Variants in GRM7 observed in about 807,000 individuals in gnomAD.
GRM7 encodes the protein metabotropic glutamate receptor 7.
GRM7 carries 35 observed loss-of-function variants against 84.5 expected under a neutral mutation model. The observed-to-expected ratio is 0.41, with a 90% CI of 0.32 to 0.55. The LOEUF (loss-of-function observed/expected upper bound fraction) is 0.55. Among genes scored for constraint, GRM7 ranks in the 20% least tolerant of loss-of-function variants. The pLI is 0.19. For synonymous variants in GRM7, 487 were observed against 455.1 expected, an observed-to-expected ratio of 1.07 and a Z score of -0.89; for missense variants, 1,003 against 1,194.6, an observed-to-expected ratio of 0.84 and a Z score of 2.36.
intron 1 of GRM7, among the ~76,000 whole-genome samples, chr3:7,070,160 G>A (rs1035718945): frequency 2.4e-4 from 37 of 151,968 alleles, no homozygotes; most frequent in African/African-American, 8.7e-4. Context: ...CAGAATAACA[G>A]TTTCCAAAGT....
intron 2 of GRM7, among the ~76,000 whole-genome samples, chr3:7,275,178 C>G (rs952510410): frequency 3.3e-5 from 5 of 152,138 alleles, no homozygotes; most frequent in African/African-American, 1.2e-4. Flanking sequence ...TATTACCCAT[C>G]TGTTATATAT....
intron 1 of GRM7, among the ~76,000 whole-genome samples, chr3:7,028,467 T>C (rs1212347374): frequency 1.3e-5 from 2 of 152,168 alleles, no homozygotes; most frequent in Non-Finnish European, 2.9e-5. Context: ...CAGATAATAA[T>C]AACCTTGGCT....
intron 4 of GRM7, among the ~76,000 whole-genome samples, chr3:7,385,010 C>T (rs1694728894): frequency 6.6e-6 from 1 of 152,128 alleles, no homozygotes; most frequent in Admixed American, 6.5e-5. Flanking sequence ...TTAAATGAAA[C>T]ATATTTCATG....
chr3:6,883,361 A>G (rs1045926439), intron 1 of GRM7, among the ~76,000 whole-genome samples: 13 of 152,040 alleles, frequency 8.6e-5, no homozygotes, highest in Non-Finnish European at 1.8e-4. Flanking sequence ...AAATTCTTTA[A>G]TATTGTCTAG....
At chr3:7,601,708 A>G (rs1696320022) in intron 8 of GRM7, among the ~76,000 whole-genome samples, 1 of 152,074 alleles carries the variant, frequency 6.6e-6, no homozygotes. Flanking sequence ...TGTCTCCAGG[A>G]GTCATCAAGA....
At chr3:7,710,500 A>G (rs1274779083) in intron 9 of GRM7, among the ~76,000 whole-genome samples, 2 of 20,768 alleles carry the variant, frequency 9.6e-5, no homozygotes, top group African/African-American at 1.7e-4. Flanking sequence ...CAGATGGTGT[A>G]AAAGGAGCAT....
chr3:7,513,766 A>G (rs536728588), intron 7 of GRM7, among the ~76,000 whole-genome samples: 20 of 152,214 alleles, frequency 1.3e-4, no homozygotes, highest in Non-Finnish European at 1.6e-4. Context: ...ATTTTAAAAA[A>G]TTAGAGAAGA....
intron 7 of GRM7, among the ~76,000 whole-genome samples, chr3:7,518,254 C>G (rs12495937): frequency 0.093 from 14,175 of 152,112 alleles, 1,087 homozygotes; most frequent in African/African-American, 0.21. Flanking sequence ...ATTTCCAAGG[C>G]GTCAGGGAAT....
intron 2 of GRM7, among the ~76,000 whole-genome samples, chr3:7,156,821 AT>A (rs1485311306): frequency 6.6e-6 from 1 of 151,976 alleles, no homozygotes; most frequent in Non-Finnish European, 1.5e-5. Flanking sequence ...ATCAACGTGA[AT>A]TTTTTTCATT....
At chr3:7,408,579 C>T (rs1365280311) in intron 4 of GRM7, among the ~76,000 whole-genome samples, 1 of 152,128 alleles carries the variant, frequency 6.6e-6, no homozygotes, top group Non-Finnish European at 1.5e-5. Flanking sequence ...CTTCAATTTA[C>T]ATCAGTTAAT....
chr3:7,701,528 C>T (rs1300160631), intron 9 of GRM7, among the ~76,000 whole-genome samples: 1 of 152,064 alleles, frequency 6.6e-6, no homozygotes, highest in East Asian at 1.9e-4. Flanking sequence ...TGGTCTCGAT[C>T]TCCTGACCTC....
chr3:7,368,828 C>T (rs568401700), intron 4 of GRM7, among the ~76,000 whole-genome samples: 1 of 152,220 alleles, frequency 6.6e-6, no homozygotes, highest in Admixed American at 6.6e-5. Flanking sequence ...CATCGTATCT[C>T]TAACATCAAA....
At chr3:7,243,607 G>A in intron 2 of GRM7, among the ~76,000 whole-genome samples, 1 of 152,158 alleles carries the variant, frequency 6.6e-6, no homozygotes, top group East Asian at 1.9e-4. Context: ...TCAGGAGAAT[G>A]TAGTTCATTC....
intron 7 of GRM7, among the ~76,000 whole-genome samples, chr3:7,513,884 C>T (rs996960627): frequency 1.3e-5 from 2 of 152,204 alleles, no homozygotes; most frequent in Admixed American, 6.5e-5. Context: ...TTTTATTGCA[C>T]TTCATCTGTC....
rs1032540545 is a variant in GRM7, at chr3:6,936,999, T to C, written c.519+75092T>C. Among the ~76,000 whole-genome samples the C allele has an allele frequency of 2.6e-4, 39 of 152,182 alleles. 1 individual carries two copies. The highest frequency in any genetic ancestry group is 2.3e-3 in the Admixed American group (35 of 15,270). On this transcript the variant is annotated intron_variant, in intron 1 of 9. Transcript: ENST00000357716. ...CAAATGATGAACACACTTTGTAAAG[T>C]GCTTTATGTAATTCCAGGGGAATTT...
intron 4 of GRM7, among the ~76,000 whole-genome samples, chr3:7,394,612 T>G (rs1695133852): frequency 1.3e-5 from 2 of 148,676 alleles, no homozygotes; most frequent in African/African-American, 2.5e-5. Context: ...TTTCCTCCCC[T>G]TTTAAAAATA....
chr3:6,868,520 GAAAT>G (rs959436032), intron 1 of GRM7, among the ~76,000 whole-genome samples: 25 of 152,170 alleles, frequency 1.6e-4, no homozygotes, highest in Admixed American at 6.5e-4. Flanking sequence ...CCGTATGCAG[GAAAT>G]AAATATACAG....
chr3:7,670,102 G>C (rs1049809706), intron 8 of GRM7, among the ~76,000 whole-genome samples: 1 of 152,190 alleles, frequency 6.6e-6, no homozygotes, highest in Admixed American at 6.5e-5. Flanking sequence ...ACCTAGATGT[G>C]CTTCAGTGTG....
chr3:7,452,749 G>C lies in GRM7; in HGVS notation c.1317G>C (p.Glu439Asp), dbSNP rs1575357546. ...LCADYRGVCP[E>D]MEQAGGKKLL... ...CTGACTACCGGGGTGTCTGCCCAGA[G>C]ATGGAGCAAGCTGGAGGCAAGAAGT... Residue 439 changes from glutamate to aspartate, a missense_variant, in exon 6 of 10, where the codon GAG becomes GAC. Glu to Asp is a conservative substitution (Grantham distance 45). This residue lies in a region of GRM7 where 910 missense variants were observed against 1,126.0 expected (regional missense o/e 0.81). Coordinates refer to ENST00000357716, the MANE Select transcript of GRM7 (RefSeq NM_000844.4). 1 of 1,613,602 alleles carries C rather than the reference G, an allele frequency of 6.2e-7. No homozygotes were observed. The highest frequency in any genetic ancestry group is 8.5e-7 in the Non-Finnish European group (1 of 1,179,706).
Sources: allele counts gnomAD v4.1 joint callset (sites outside exome capture counted in the v4.1 genomes callset), GRCh38; gene constraint gnomAD v4.1.1; regional missense constraint gnomAD v4.1.1; transcripts MANE v1.5; gene names NCBI Gene and HGNC (gene_info 2026-07-23, HGNC 2026-07-21).